Variants in ANKS1B observed in about 807,000 individuals in gnomAD.
ANKS1B encodes the protein ankyrin repeat and sterile alpha motif domain-containing protein 1B.
ANKS1B carries 36 observed loss-of-function variants against 148.3 expected under a neutral mutation model. That is an observed-to-expected ratio of 0.24 (90% CI 0.19 to 0.32). The LOEUF is 0.32. Among genes scored for constraint, ANKS1B ranks in the 10% least tolerant of loss-of-function variants. The probability of loss-of-function intolerance (pLI) is 1.00; values close to 1 mark genes in which losing one functional copy is unlikely to be tolerated. For synonymous variants in ANKS1B, 542 were observed against 560.8 expected (o/e 0.97, Z 0.47); for missense variants, 1,157 against 1,542.6 (o/e 0.75, Z 4.19).
At chr12:99,892,154 C>T (rs374321791) in intron 1 of ANKS1B, among the ~76,000 whole-genome samples, 1 of 152,124 alleles carries the variant, frequency 6.6e-6, no homozygotes, top group African/African-American at 2.4e-5. Context: ...CAGGTGTGTA[C>T]CACCATGCCC....
Position 99,246,590 on chromosome 12 carries a change from T to C in ANKS1B, c.2031A>G (p.Lys677=). The change falls in exon 13 of 27, where the codon AAA becomes AAG. Residue 677 remains lysine (K), a synonymous_variant. Coordinates refer to ENST00000683438, the MANE Select transcript of ANKS1B (RefSeq NM_001352186.2). ...KVVSRTIFHK[K]SNQLENHTIV... Reference sequence around the variant, plus strand: ...TGGTATGGTTTTCGAGTTGGTTGCTTTTTTTGTGAAAAATTGTTCTACTGA... The same window carrying C: ...TGGTATGGTTTTCGAGTTGGTTGCTCTTTTTGTGAAAAATTGTTCTACTGA... 2.5e-6 allele frequency: 4 copies of C among 1,613,646 alleles called. No individual in the cohort carries two copies. The highest frequency in any genetic ancestry group is 1.3e-5 in the African/African-American group (1 of 75,064).
chr12:98,860,310 T>G (rs975265351), intron 17 of ANKS1B, among the ~76,000 whole-genome samples: 2 of 152,222 alleles, frequency 1.3e-5, no homozygotes, highest in African/African-American at 4.8e-5. Flanking sequence ...CTCTTCAAAC[T>G]GGGGCCTCTG....
At chr12:99,749,360 A>C (rs1248307979) in intron 8 of ANKS1B, among the ~76,000 whole-genome samples, 1 of 152,082 alleles carries the variant, frequency 6.6e-6, no homozygotes, top group Non-Finnish European at 1.5e-5. Flanking sequence ...CCTTGCCACC[A>C]TATGGGAAAA....
At chr12:98,947,312 CCA>C (rs1449307387) in intron 17 of ANKS1B, among the ~76,000 whole-genome samples, 1 of 152,062 alleles carries the variant, frequency 6.6e-6, no homozygotes, top group Non-Finnish European at 1.5e-5. Flanking sequence ...ACTTAGAAGG[CCA>C]CAGTCCCATG....
At chr12:99,822,950 A>T (rs1565798258) in intron 2 of ANKS1B, among the ~76,000 whole-genome samples, 1 of 151,938 alleles carries the variant, frequency 6.6e-6, no homozygotes, top group East Asian at 1.9e-4. Flanking sequence ...AGATGCCAAC[A>T]TTTGTCATTT....
At chr12:99,273,844 C>A (rs2077357293) in intron 12 of ANKS1B, among the ~76,000 whole-genome samples, 1 of 152,082 alleles carries the variant, frequency 6.6e-6, no homozygotes, top group Admixed American at 6.5e-5. Context: ...CTCGGCCTCC[C>A]AAAGTGCTGG....
intron 8 of ANKS1B, among the ~76,000 whole-genome samples, chr12:99,695,738 TG>T (rs1289509282): frequency 6.6e-6 from 1 of 151,742 alleles, no homozygotes; most frequent in African/African-American, 2.4e-5. Context: ...GGGGGAGGGT[TG>T]GGGGAGACAG....
At chr12:99,122,274 G>C (rs557378579) in intron 15 of ANKS1B, among the ~76,000 whole-genome samples, 1 of 152,294 alleles carries the variant, frequency 6.6e-6, no homozygotes, top group Admixed American at 6.5e-5. Flanking sequence ...TATTAATTAA[G>C]AGTATGTTGA....
intron 14 of ANKS1B, among the ~76,000 whole-genome samples, chr12:99,183,850 G>C (rs995060024): frequency 1.3e-5 from 2 of 152,164 alleles, no homozygotes; most frequent in Non-Finnish European, 2.9e-5. Context: ...TTTTCTGTCA[G>C]AGCACCTTGA....
chr12:99,261,152 T>A (rs1291242009), intron 12 of ANKS1B, among the ~76,000 whole-genome samples: 1 of 152,180 alleles, frequency 6.6e-6, no homozygotes, highest in Non-Finnish European at 1.5e-5. Flanking sequence ...TAGGCTTTTA[T>A]TCCACCTACC....
At chr12:99,399,222 G>A (rs1022715423) in intron 12 of ANKS1B, among the ~76,000 whole-genome samples, 1 of 152,032 alleles carries the variant, frequency 6.6e-6, no homozygotes, top group Non-Finnish European at 1.5e-5. Context: ...GTTTAAATAG[G>A]TTGAAAGCCA....
intron 1 of ANKS1B, among the ~76,000 whole-genome samples, chr12:99,937,276 A>T (rs991745354): frequency 6.6e-6 from 1 of 152,194 alleles, no homozygotes; most frequent in South Asian, 2.1e-4. Flanking sequence ...CTGCCAGGCC[A>T]AAGTTGGAAA....
rs1292899751 is a variant in ANKS1B, at chr12:98,967,632, G to GAGGGGAGGGGAGGGA, written c.2778+85510_2778+85524dup. ...GAGATGAAGGGAAGAGAGGGTAGAA[G>GAGGGGAGGGGAGGGA]AGGGGAGGGGAGGGAAGAGGAGGGG... On this transcript the variant is annotated intron_variant, in intron 17 of 26. Transcript: ENST00000683438. Among the ~76,000 whole-genome samples, 6 of 70,640 alleles carry GAGGGGAGGGGAGGGA rather than the reference G, an allele frequency of 8.5e-5. No individual in the cohort carries two copies. In the East Asian group the frequency reaches 1.9e-3, roughly 22 times the overall value. 46.3% of individuals were successfully genotyped at this position (70,640 alleles called of 152,430 possible).
intron 3 of ANKS1B, among the ~76,000 whole-genome samples, chr12:99,807,734 T>C (rs61234703): frequency 6.6e-6 from 1 of 152,036 alleles, no homozygotes; most frequent in Admixed American, 6.6e-5. Flanking sequence ...CACTGAATAG[T>C]TGAATAACTG....
In ANKS1B at chr12:99,655,118, T is replaced by C; in HGVS notation, c.1221A>G (p.Ala407=). The C allele has an allele frequency of 6.2e-7, 1 of 1,612,708 alleles. No homozygotes were observed. Among genetic ancestry groups the C allele is most frequent in the Non-Finnish European group, 8.5e-7 (1 of 1,179,084 alleles). The stretch of plus-strand genomic sequence containing the variant: ...TCCTACATCCATTACACGGAGTTAA[T>C]GCTTCCCAAAGTCCTGATGGCCCAC... ...NTCGPSGLWE[A]LTPCNGCRNL... is the part of the protein sequence containing the mutation. The change falls in exon 9 of 27, where the codon GCA becomes GCG. Residue 407 remains alanine (A), a synonymous_variant. Transcript: ENST00000683438.
intron 8 of ANKS1B, among the ~76,000 whole-genome samples, chr12:99,659,739 A>G (rs1385039778): frequency 1.3e-5 from 2 of 152,168 alleles, no homozygotes; most frequent in Non-Finnish European, 2.9e-5. Flanking sequence ...TCAGATAGAG[A>G]ATAGCCCAAT....
At chr12:99,733,207 C>G (rs959646273) in intron 8 of ANKS1B, among the ~76,000 whole-genome samples, 2 of 152,162 alleles carry the variant, frequency 1.3e-5, no homozygotes, top group Non-Finnish European at 2.9e-5. Flanking sequence ...TGCAGGATAT[C>G]TGCAGAATTT....
At position 99,113,750 on chromosome 12, in the gene ANKS1B, C is replaced by CCT. The variant is rs536693318; in HGVS notation, c.2527-28729_2527-28728dup. 2.0e-3 allele frequency among the ~76,000 whole-genome samples: 304 copies of CCT among 152,246 alleles called. 2 individuals carry two copies. Among genetic ancestry groups the CCT allele is most frequent in the African/African-American group, 7.1e-3 (293 of 41,534 alleles). On this transcript the variant is annotated intron_variant, in intron 15 of 26. Transcript: ENST00000683438. ...TCAGAGAAGGCCCTTGACTGAACTT[C>CCT]CTCTCTTTCCAGGGTCTCCCATTCC...
chr12:99,345,480 A>G (rs2090540538), intron 12 of ANKS1B, among the ~76,000 whole-genome samples: 1 of 152,034 alleles, frequency 6.6e-6, no homozygotes. Flanking sequence ...AATACAGATA[A>G]AGAGAACAGA....
Sources: gnomAD v4.1 joint callset for allele counts (sites outside exome capture counted in the v4.1 genomes callset) on GRCh38, gnomAD v4.1.1 for gene constraint, MANE v1.5 for transcripts, NCBI Gene and HGNC (gene_info 2026-07-23, HGNC 2026-07-21) for gene names.